The following LRRC4C variants were observed in gnomAD, a reference collection of about 807,000 sequenced individuals.
LRRC4C encodes the protein leucine-rich repeat-containing protein 4C.
A neutral mutation model predicts 33.6 loss-of-function variants in LRRC4C; 5 were observed. That is an observed-to-expected ratio of 0.15 (90% CI 0.08 to 0.31). The LOEUF is 0.31. Among genes scored for constraint, LRRC4C ranks in the 10% least tolerant of loss-of-function variants. The pLI is 1.00. For missense variants in LRRC4C, 560 were observed against 796.7 expected (o/e 0.70, Z 3.58); for synonymous variants, 329 against 302.0 (o/e 1.09, Z -0.93).
intron 1 of LRRC4C, among the ~76,000 whole-genome samples, chr11:41,352,328 A>G (rs1952010851): frequency 6.6e-6 from 1 of 152,314 alleles, no homozygotes; most frequent in South Asian, 2.1e-4. Context: ...ACTATCCTAA[A>G]TATTTATGTA....
intron 1 of LRRC4C, among the ~76,000 whole-genome samples, chr11:41,341,264 T>C (rs1951628414): frequency 6.6e-6 from 1 of 152,088 alleles, no homozygotes; most frequent in South Asian, 2.1e-4. Context: ...AAATTTAAAA[T>C]ATACTGTAAG....
intron 1 of LRRC4C, among the ~76,000 whole-genome samples, chr11:41,316,939 T>C (rs1950814565): frequency 1.3e-5 from 2 of 152,222 alleles, no homozygotes; most frequent in Admixed American, 6.5e-5. Flanking sequence ...CAGAAATCAC[T>C]GACTCCTGTT....
At chr11:40,758,178 G>T (rs1949036769) in intron 2 of LRRC4C, among the ~76,000 whole-genome samples, 1 of 152,048 alleles carries the variant, frequency 6.6e-6, no homozygotes, top group South Asian at 2.1e-4. Context: ...ATGCTAAGGT[G>T]CTCTGGAGCA....
intron 4 of LRRC4C, among the ~76,000 whole-genome samples, chr11:40,318,053 T>C (rs186159747): frequency 6.6e-5 from 10 of 152,266 alleles, no homozygotes; most frequent in Admixed American, 2.0e-4. Context: ...AGACCTTTGG[T>C]ATTCTTGAAA....
At chr11:40,719,707 A>G (rs769063347) in intron 2 of LRRC4C, among the ~76,000 whole-genome samples, 14 of 152,202 alleles carry the variant, frequency 9.2e-5, no homozygotes, top group Non-Finnish European at 1.9e-4. Flanking sequence ...TATAAGGAAC[A>G]TTGGAGTAAG....
At chr11:40,538,537 G>A (rs1956572726) in intron 3 of LRRC4C, among the ~76,000 whole-genome samples, 1 of 152,158 alleles carries the variant, frequency 6.6e-6, no homozygotes, top group Non-Finnish European at 1.5e-5. Context: ...TATCATTGAT[G>A]GACATTTGGG....
At chr11:40,759,974 A>T (rs979871726) in intron 2 of LRRC4C, among the ~76,000 whole-genome samples, 7 of 151,904 alleles carry the variant, frequency 4.6e-5, no homozygotes, top group African/African-American at 1.4e-4. Flanking sequence ...AAAAAAAAAA[A>T]AAAGGAAAAA....
intron 1 of LRRC4C, among the ~76,000 whole-genome samples, chr11:40,942,953 T>C (rs181522479): frequency 1.7e-4 from 26 of 152,290 alleles, no homozygotes; most frequent in African/African-American, 5.1e-4. Flanking sequence ...TATTTCATAG[T>C]GACACAGGAT....
chr11:40,412,077 T>C (rs1950176135), intron 3 of LRRC4C, among the ~76,000 whole-genome samples: 1 of 152,020 alleles, frequency 6.6e-6, no homozygotes, highest in African/African-American at 2.4e-5. Context: ...TAGTAAAAAC[T>C]CTTATTTTGC....
intron 2 of LRRC4C, among the ~76,000 whole-genome samples, chr11:40,688,586 T>C (rs1196551601): frequency 1.3e-5 from 2 of 152,084 alleles, no homozygotes; most frequent in African/African-American, 2.4e-5. Context: ...GTCATAGAGA[T>C]GGCTGAGAGT....
At chr11:41,285,255 A>G (rs2136962031) in intron 1 of LRRC4C, among the ~76,000 whole-genome samples, 2 of 152,226 alleles carry the variant, frequency 1.3e-5, no homozygotes, top group Middle Eastern at 3.4e-3. Flanking sequence ...TCCATCATCC[A>G]TCCATTCATT....
At chr11:40,755,582 C>T (rs559629726) in intron 2 of LRRC4C, among the ~76,000 whole-genome samples, 3 of 152,084 alleles carry the variant, frequency 2.0e-5, no homozygotes, top group Admixed American at 2.0e-4. Context: ...TTTGGCAATG[C>T]CTGGAGATAC....
intron 3 of LRRC4C, among the ~76,000 whole-genome samples, chr11:40,388,665 A>T (rs985992000): frequency 2.0e-4 from 30 of 152,210 alleles, no homozygotes; most frequent in Admixed American, 9.2e-4. Context: ...CCTGCATTTT[A>T]TTAACACACT....
At chr11:40,642,057 T>C (rs1281583575) in intron 3 of LRRC4C, among the ~76,000 whole-genome samples, 3 of 151,642 alleles carry the variant, frequency 2.0e-5, no homozygotes, top group African/African-American at 7.3e-5. Flanking sequence ...AATCATTTTG[T>C]TTTTGCTTGT....
intron 2 of LRRC4C, among the ~76,000 whole-genome samples, chr11:40,905,880 A>G (rs547254723): frequency 2.6e-5 from 4 of 152,366 alleles, no homozygotes; most frequent in Admixed American, 6.5e-5. Flanking sequence ...TAAAGTAGCC[A>G]CAGAGTTTAA....
chr11:40,737,836 C>T (rs550917597), intron 2 of LRRC4C, among the ~76,000 whole-genome samples: 1 of 152,226 alleles, frequency 6.6e-6, no homozygotes, highest in East Asian at 1.9e-4. Context: ...CATCAAGCTA[C>T]CATTGACTTT....
intron 1 of LRRC4C, among the ~76,000 whole-genome samples, chr11:41,020,601 C>G (rs1441456725): frequency 6.6e-6 from 1 of 152,026 alleles, no homozygotes; most frequent in African/African-American, 2.4e-5. Flanking sequence ...GCTAGCAGCC[C>G]CCCAAAGCTA....
intron 2 of LRRC4C, among the ~76,000 whole-genome samples, chr11:40,782,846 A>T (rs1308745116): frequency 6.6e-6 from 1 of 152,174 alleles, no homozygotes; most frequent in Non-Finnish European, 1.5e-5. Flanking sequence ...ATGTGTGTGT[A>T]TACAGATGTA....
intron 3 of LRRC4C, among the ~76,000 whole-genome samples, chr11:40,598,527 A>G (rs768767869): frequency 6.6e-6 from 1 of 152,180 alleles, no homozygotes; most frequent in Non-Finnish European, 1.5e-5. Context: ...GTGAGAAAGA[A>G]AAAGTCGCAA....
Sources: allele counts gnomAD v4.1 joint callset (sites outside exome capture counted in the v4.1 genomes callset), GRCh38; gene constraint gnomAD v4.1.1; transcripts MANE v1.5; gene names NCBI Gene and HGNC (gene_info 2026-07-23, HGNC 2026-07-21).